The following PARD3 variants were observed in gnomAD, a reference collection of about 807,000 sequenced individuals.
PARD3 encodes the protein partitioning defective 3 homolog.
In PARD3, 75 loss-of-function variants were observed where a neutral mutation model predicts 155.4. The ratio of observed to expected loss-of-function variants is 0.48; its 90% CI spans 0.40 to 0.58. PARD3 has a LOEUF of 0.58. Ranked by LOEUF, PARD3 falls within the 20% of genes least tolerant of loss-of-function variation. PARD3 has a pLI of 0.00. For synonymous variants in PARD3, 576 were observed against 610.5 expected (o/e 0.94, Z 0.83); for missense variants, 1,642 against 1,721.7 (o/e 0.95, Z 0.82).
intron 2 of PARD3, among the ~76,000 whole-genome samples, chr10:34,551,789 G>T (rs941180763): frequency 2.0e-5 from 3 of 152,176 alleles, no homozygotes; most frequent in Non-Finnish European, 4.4e-5. Flanking sequence ...TTCCCCAAAG[G>T]TTCTCTTAAA....
At chr10:34,629,090 G>T (rs1176800457) in intron 2 of PARD3, among the ~76,000 whole-genome samples, 1 of 152,168 alleles carries the variant, frequency 6.6e-6, no homozygotes. Context: ...AGAGTTATGA[G>T]GTGAGAATAA....
chr10:34,379,327 T>C (rs1246424005), intron 9 of PARD3, among the ~76,000 whole-genome samples: 1 of 152,154 alleles, frequency 6.6e-6, no homozygotes, highest in African/African-American at 2.4e-5. Context: ...CCTACCATAG[T>C]TATTCTCAAC....
rs139808319 is a variant in PARD3, at chr10:34,741,640, T to C, written c.121-45221A>G. On this transcript the variant is annotated intron_variant, in intron 1 of 24. Transcript: ENST00000374788. ...CAAATGGACCACAGAACAAAGAGAA[T>C]GCCCTGCTGTCAGCACAAAAACTCT... Among the ~76,000 whole-genome samples, 8 of 152,308 alleles carry C rather than the reference T, an allele frequency of 5.3e-5. No homozygotes were observed. The East Asian group carries it at 1.5e-3, about 29-fold the overall frequency.
intron 3 of PARD3, among the ~76,000 whole-genome samples, chr10:34,498,401 T>C (rs1206589298): frequency 6.6e-6 from 1 of 152,242 alleles, no homozygotes; most frequent in African/African-American, 2.4e-5. Flanking sequence ...CACTGTCCCA[T>C]GAGTTTTATA....
intron 21 of PARD3, among the ~76,000 whole-genome samples, chr10:34,272,147 C>A (rs1459697889): frequency 6.6e-6 from 1 of 152,050 alleles, no homozygotes; most frequent in Non-Finnish European, 1.5e-5. Context: ...TCATACCTTA[C>A]TAAAAAATTA....
At chr10:34,278,540 G>T (rs1344963355) in intron 21 of PARD3, among the ~76,000 whole-genome samples, 1 of 152,112 alleles carries the variant, frequency 6.6e-6, no homozygotes, top group African/African-American at 2.4e-5. Flanking sequence ...TCATGGGGGC[G>T]GTTTCCCCCT....
intron 12 of PARD3, among the ~76,000 whole-genome samples, chr10:34,372,112 GCCCT>G (rs1358122654): frequency 6.6e-6 from 1 of 151,668 alleles, no homozygotes; most frequent in Non-Finnish European, 1.5e-5. Context: ...TATTCTCTTA[GCCCT>G]CCCTTTTTTT....
At chr10:34,166,419 C>T (rs1275388095) in intron 22 of PARD3, among the ~76,000 whole-genome samples, 1 of 152,014 alleles carries the variant, frequency 6.6e-6, no homozygotes, top group African/African-American at 2.4e-5. Context: ...TCAAGACTAG[C>T]CTGGGTAACA....
chr10:34,370,933 T>C (rs1280794610), intron 12 of PARD3, among the ~76,000 whole-genome samples: 2 of 152,068 alleles, frequency 1.3e-5, no homozygotes, highest in Non-Finnish European at 2.9e-5. Context: ...TCTAAATAAA[T>C]GGGCAATTGT....
In PARD3 at chr10:34,127,001, T is replaced by C. The variant is rs190163673; in HGVS notation, c.3540+4462A>G. Among the ~76,000 whole-genome samples the C allele has an allele frequency of 3.9e-3, 597 of 151,968 alleles. 1 individual carries two copies. Among genetic ancestry groups the C allele is most frequent in the African/African-American group, 0.014 (564 of 41,238 alleles). ...TTTTGATATATAATAATGTGGTCCA[T>C]GACCTTCAGTAGTTGAGTTTCCAAA... On this transcript the variant is annotated intron_variant, in intron 23 of 24. Transcript: ENST00000374788.
At chr10:34,211,781 A>G in intron 22 of PARD3, among the ~76,000 whole-genome samples, 1 of 152,160 alleles carries the variant, frequency 6.6e-6, no homozygotes, top group South Asian at 2.1e-4. Flanking sequence ...CTCCATCTCA[A>G]AAAAAGAAAA....
intron 2 of PARD3, among the ~76,000 whole-genome samples, chr10:34,519,724 G>A (rs752903175): frequency 6.6e-6 from 1 of 152,042 alleles, no homozygotes; most frequent in Non-Finnish European, 1.5e-5. Flanking sequence ...TGAGGCAGGA[G>A]AACTGCTTGA....
intron 2 of PARD3, among the ~76,000 whole-genome samples, chr10:34,589,296 A>T (rs753605661): frequency 6.6e-5 from 10 of 152,192 alleles, no homozygotes; most frequent in Non-Finnish European, 1.3e-4. Context: ...TATAGGTTGA[A>T]CTGTATCCCC....
At chr10:34,690,120 T>C (rs1420410873) in intron 2 of PARD3, among the ~76,000 whole-genome samples, 4 of 152,100 alleles carry the variant, frequency 2.6e-5, no homozygotes, top group South Asian at 2.1e-4. Context: ...ATTTTTGTAT[T>C]TTTAGTAGAG....
intron 23 of PARD3, among the ~76,000 whole-genome samples, chr10:34,121,468 G>C (rs1264471140): frequency 6.6e-6 from 1 of 152,188 alleles, no homozygotes; most frequent in Non-Finnish European, 1.5e-5. Context: ...TTTTCTTTTA[G>C]AGTTGAAAGC....
At chr10:34,723,951 T>A (rs2094653036) in intron 1 of PARD3, among the ~76,000 whole-genome samples, 2 of 152,152 alleles carry the variant, frequency 1.3e-5, no homozygotes, top group Admixed American at 6.5e-5. Flanking sequence ...ACTTCACTGG[T>A]GGATCTGTTA....
chr10:34,342,258 C>A (rs1321133803), intron 15 of PARD3, among the ~76,000 whole-genome samples: 1 of 152,200 alleles, frequency 6.6e-6, no homozygotes, highest in Non-Finnish European at 1.5e-5. Flanking sequence ...AGTCTCTGTC[C>A]TTAAAGGACG....
At chr10:34,487,259 A>G (rs1255262214) in intron 3 of PARD3, among the ~76,000 whole-genome samples, 4 of 152,134 alleles carry the variant, frequency 2.6e-5, no homozygotes, top group African/African-American at 9.7e-5. Context: ...AGGTTTCTAC[A>G]GACTAAGTGA....
intron 1 of PARD3, among the ~76,000 whole-genome samples, chr10:34,713,005 T>G (rs2094469332): frequency 6.6e-6 from 1 of 152,098 alleles, no homozygotes; most frequent in Non-Finnish European, 1.5e-5. Context: ...AGTCAGGAGC[T>G]CGAGACCAGC....
Sources: allele counts gnomAD v4.1 joint callset (sites outside exome capture counted in the v4.1 genomes callset), GRCh38; gene constraint gnomAD v4.1.1; transcripts MANE v1.5; gene names NCBI Gene and HGNC (gene_info 2026-07-23, HGNC 2026-07-21).